The following RAB8B variants were observed in gnomAD, a reference collection of about 807,000 sequenced individuals.
RAB8B encodes the protein ras-related protein Rab-8B.
A neutral mutation model predicts 32.0 loss-of-function variants in RAB8B; 11 were observed. The observed-to-expected ratio is 0.34, with a 90% CI of 0.22 to 0.57. The LOEUF (loss-of-function observed/expected upper bound fraction) is 0.57, where lower values mean the gene tolerates loss of function less well. RAB8B is among the 20% of genes least tolerant of loss of function. The pLI, the probability that RAB8B is intolerant of heterozygous loss-of-function variation, is 0.86. For missense variants in RAB8B, 190 were observed against 258.5 expected (o/e 0.73, Z 1.82); for synonymous variants, 103 against 89.6 (o/e 1.15, Z -0.85).
Position 63,259,043 on chromosome 15 carries a change from G to A in RAB8B, c.415-584G>A, listed in dbSNP as rs2038180315. Among the ~76,000 whole-genome samples, 1 of 151,408 alleles carries A rather than the reference G, an allele frequency of 6.6e-6. No homozygotes were observed. Among genetic ancestry groups the A allele is most frequent in the African/African-American group, 2.4e-5 (1 of 41,172 alleles). ...CCTATTCTGCTACCTTAGGAGGGTG[G>A]GTATTTATCCCATATTAGAGAACTA... On this transcript the variant is annotated intron_variant, in intron 5 of 7. Transcript: ENST00000321437. The surrounding 1 kb of genome is among the most constrained non-coding windows in gnomAD (Gnocchi z 4.4).
intron 1 of RAB8B, among the ~76,000 whole-genome samples, 182 bp downstream of exon 1, chr15:63,189,930 C>A (rs2037540165): frequency 7.2e-6 from 1 of 139,422 alleles, no homozygotes; most frequent in Non-Finnish European, 1.5e-5. Context: ...GGGAGAGAGG[C>A]GAGCGGGAAC....
At chr15:63,206,413 C>G (rs1461462354) in intron 1 of RAB8B, among the ~76,000 whole-genome samples, 1 of 151,856 alleles carries the variant, frequency 6.6e-6, no homozygotes, top group Non-Finnish European at 1.5e-5. Flanking sequence ...AGAAGACTCC[C>G]CTCTCCCCCT....
At chr15:63,212,308 A>G (rs2037754520) in intron 1 of RAB8B, among the ~76,000 whole-genome samples, 1 of 152,340 alleles carries the variant, frequency 6.6e-6, no homozygotes, top group African/African-American at 2.4e-5. Context: ...TCATTTTTAA[A>G]CATCCGGGGT....
chr15:63,189,623 A>G lies in RAB8B; in HGVS notation c.-2A>G. 1 of 1,612,882 alleles carries G rather than the reference A, an allele frequency of 6.2e-7. No individual in the cohort carries two copies. The highest frequency in any genetic ancestry group is 8.5e-7 in the Non-Finnish European group (1 of 1,179,296). ...CCCCGGTCAGAGGGCCGGAGCGAGA[A>G]GATGGCGAAGACGTACGATTATCTC... On this transcript the variant is annotated 5_prime_UTR_variant, in exon 1 of 8. Coordinates refer to ENST00000321437, the MANE Select transcript of RAB8B (RefSeq NM_016530.3).
chr15:63,227,054 GT>G (rs2037894738), intron 1 of RAB8B, among the ~76,000 whole-genome samples: 2 of 152,250 alleles, frequency 1.3e-5, no homozygotes, highest in South Asian at 4.1e-4. Context: ...TTTGGTTTTG[GT>G]GGCTTTGGGC....
chr15:63,208,607 G>A (rs1298688845), intron 1 of RAB8B, among the ~76,000 whole-genome samples: 1 of 152,082 alleles, frequency 6.6e-6, no homozygotes, highest in Non-Finnish European at 1.5e-5. Flanking sequence ...ATTAAAAAGT[G>A]TAAGATTAAC....
chr15:63,259,734 G>A lies in RAB8B; in HGVS notation c.480+42G>A, dbSNP rs765141776. 5.9e-6 allele frequency: 9 copies of A among 1,529,168 alleles called. No individual in the cohort carries two copies. The highest frequency in any genetic ancestry group is 7.2e-6 in the Non-Finnish European group (8 of 1,104,490). 94.7% of individuals were successfully genotyped at this position (1,529,168 alleles called of 1,614,324 possible). On this transcript the variant is annotated intron_variant, in intron 6 of 7. Coordinates refer to ENST00000321437, the MANE Select transcript of RAB8B (RefSeq NM_016530.3). This position sits in a 1 kb window ranked among gnomAD's most constrained non-coding sequence, Gnocchi z 4.4. Reference sequence around the variant, plus strand: ...TGGTGACTGTTACGGAGCAGCACCAGTGCTTAGGGGCCTGTGTTCAAACAG... The same window carrying A: ...TGGTGACTGTTACGGAGCAGCACCAATGCTTAGGGGCCTGTGTTCAAACAG...
intron 1 of RAB8B, among the ~76,000 whole-genome samples, chr15:63,225,692 TAG>T (rs2037882877): frequency 6.6e-6 from 1 of 152,226 alleles, no homozygotes; most frequent in South Asian, 2.1e-4. Flanking sequence ...ACTATTAGCC[TAG>T]GAGCTCCTTG....
At chr15:63,214,884 A>T (rs537002016) in intron 1 of RAB8B, among the ~76,000 whole-genome samples, 1 of 152,300 alleles carries the variant, frequency 6.6e-6, no homozygotes, top group African/African-American at 2.4e-5. Context: ...TATAGTATTT[A>T]ATTTTATTTT....
chr15:63,240,503 T>C (rs1316348329), intron 1 of RAB8B, among the ~76,000 whole-genome samples: 2 of 152,200 alleles, frequency 1.3e-5, no homozygotes, highest in African/African-American at 4.8e-5. Flanking sequence ...GTCATTAAAC[T>C]GAACTAACCT....
rs978643123 is a variant in RAB8B, at chr15:63,255,718, G to T, written c.324+134G>T. 5 of 656,582 alleles carry T rather than the reference G, an allele frequency of 7.6e-6. No homozygotes were observed. In the Admixed American group the frequency reaches 7.9e-5, roughly 10 times the overall value. 40.7% of individuals were successfully genotyped at this position (656,582 alleles called of 1,614,324 possible). On this transcript the variant is annotated intron_variant, in intron 4 of 7. Transcript: ENST00000321437. ...AGGTTGGGCCCTCTCTCTCTGAAGAGCTCCATAAATCTCTGGTGCTGCCAG... is the reference window on the plus strand; with the variant it reads ...AGGTTGGGCCCTCTCTCTCTGAAGATCTCCATAAATCTCTGGTGCTGCCAG...
At position 63,267,490 on chromosome 15, in the gene RAB8B, A is replaced by G. The variant is rs117288058; in HGVS notation, c.*3871A>G. The G allele has an allele frequency of 5.5e-3, 835 of 152,392 alleles. 3 individuals are homozygous for G. The highest frequency in any genetic ancestry group is 9.2e-3 in the Non-Finnish European group (627 of 68,026). 9.4% of individuals were successfully genotyped at this position (152,392 alleles called of 1,614,324 possible). ...TGCAGTTCCTTTCATGCAAAATACC[A>G]TAAACTGTTTGATGAAAATCATGCC... On this transcript the variant is annotated 3_prime_UTR_variant, in exon 8 of 8. Transcript: ENST00000321437.
chr15:63,263,977 C>G lies in RAB8B; in HGVS notation c.*358C>G, dbSNP rs751167558. The G allele has an allele frequency of 5.7e-6, 1 of 173,914 alleles. No homozygotes were observed. Among genetic ancestry groups the G allele is most frequent in the African/African-American group, 2.4e-5 (1 of 42,004 alleles). The allele number at this position is 173,914 out of a possible 1,614,324, so 10.8% of individuals were successfully genotyped here. A position where few individuals can be genotyped will look rare whatever the true frequency, so the allele number is the denominator to read the frequency against. ...GACTCATATTTGCACACTTTTGTGTCGTGAAGTTCTAGACAAATTTGTACA... is the reference window on the plus strand; with the variant it reads ...GACTCATATTTGCACACTTTTGTGTGGTGAAGTTCTAGACAAATTTGTACA... On this transcript the variant is annotated 3_prime_UTR_variant, in exon 8 of 8. Coordinates refer to ENST00000321437, the MANE Select transcript of RAB8B (RefSeq NM_016530.3).
intron 1 of RAB8B, among the ~76,000 whole-genome samples, chr15:63,218,264 G>A (rs2037811270): frequency 6.6e-6 from 1 of 152,168 alleles, no homozygotes; most frequent in African/African-American, 2.4e-5. Context: ...GTTAAATGGG[G>A]ATTAAAGCCC....
chr15:63,267,461 A>T lies in RAB8B; in HGVS notation c.*3842A>T, dbSNP rs2038257942. 2 of 152,352 alleles carry T rather than the reference A, an allele frequency of 1.3e-5. No individual in the cohort carries two copies. The highest frequency in any genetic ancestry group is 1.5e-5 in the Non-Finnish European group (1 of 68,030). 9.4% of individuals were successfully genotyped at this position (152,352 alleles called of 1,614,324 possible). Reference sequence around the variant, plus strand: ...ATGGCTTTTATTTTGTTTGCAGCTGACACTGCAGTTCCTTTCATGCAAAAT... The same window carrying T: ...ATGGCTTTTATTTTGTTTGCAGCTGTCACTGCAGTTCCTTTCATGCAAAAT... On this transcript the variant is annotated 3_prime_UTR_variant, in exon 8 of 8. Transcript: ENST00000321437.
chr15:63,253,703 CAATT>C (rs2038135942), intron 3 of RAB8B, among the ~76,000 whole-genome samples: 1 of 151,952 alleles, frequency 6.6e-6, no homozygotes, highest in South Asian at 2.1e-4. Flanking sequence ...TCAGGGAAAT[CAATT>C]AAAGATGATG....
rs141060279 is a variant in RAB8B, at chr15:63,197,162, A to C, written c.124+7414A>C. Among the ~76,000 whole-genome samples, 1,008 of 151,984 alleles carry C rather than the reference A, an allele frequency of 6.6e-3. 14 individuals carry two copies. The highest frequency in any genetic ancestry group is 0.024 in the African/African-American group (978 of 41,500). On this transcript the variant is annotated intron_variant, in intron 1 of 7. Transcript: ENST00000321437. ...ATAAGGCCAAATTCTATTTAAAAAAAATATTTATATAAATATTTTTATATA... is the reference window on the plus strand; with the variant it reads ...ATAAGGCCAAATTCTATTTAAAAAACATATTTATATAAATATTTTTATATA...
chr15:63,231,849 G>A (rs1873876539), intron 1 of RAB8B, among the ~76,000 whole-genome samples: 1 of 152,094 alleles, frequency 6.6e-6, no homozygotes, highest in Admixed American at 6.5e-5. Context: ...CTTTATTGAA[G>A]GTACAACATC....
At position 63,227,670 on chromosome 15, in the gene RAB8B, G is replaced by T. The variant is rs139191899; in HGVS notation, c.125-17086G>T. On this transcript the variant is annotated intron_variant, in intron 1 of 7. Transcript: ENST00000321437. ...GAATTCTTCACCCTCTGAACCCCTG[G>T]ATTTGTTTTTAAAATAATCTGTGCA... Among the ~76,000 whole-genome samples, 403 of 152,258 alleles carry T rather than the reference G, an allele frequency of 2.6e-3. 3 individuals are homozygous for T. Among genetic ancestry groups the T allele is most frequent in the African/African-American group, 8.1e-3 (335 of 41,546 alleles).
Sources: gnomAD v4.1 joint callset for allele counts (sites outside exome capture counted in the v4.1 genomes callset) on GRCh38, gnomAD v4.1.1 for gene constraint, Gnocchi (gnomAD v3.1) non-coding constraint, MANE v1.5 for transcripts, NCBI Gene and HGNC (gene_info 2026-07-23, HGNC 2026-07-21) for gene names.